Variants in SHISA9 observed in about 807,000 individuals in gnomAD.
The protein encoded by SHISA9 is shisa family member 9.
A neutral mutation model predicts 38.0 loss-of-function variants in SHISA9; 13 were observed. The ratio of observed to expected loss-of-function variants is 0.34; its 90% confidence interval spans 0.22 to 0.54. SHISA9 has a LOEUF of 0.54. SHISA9 is among the 20% of genes least tolerant of loss of function. The probability of loss-of-function intolerance (pLI) is 0.91; values close to 1 mark genes in which losing one functional copy is unlikely to be tolerated. For missense variants in SHISA9, 538 were observed against 575.8 expected, an observed-to-expected ratio of 0.93 and a Z score of 0.67; for synonymous variants, 275 against 242.0, an observed-to-expected ratio of 1.14 and a Z score of -1.27.
chr16:12,908,080 G>C (rs1241082902), intron 1 of SHISA9, among the ~76,000 whole-genome samples: 1 of 152,100 alleles, frequency 6.6e-6, no homozygotes, highest in South Asian at 2.1e-4. Flanking sequence ...TCTGCAGGTG[G>C]AGGATTCACT....
At chr16:13,502,802 A>G in the SHISA9 span, among the ~76,000 whole-genome samples, 1 of 152,164 alleles carries the variant, frequency 6.6e-6, no homozygotes, top group Non-Finnish European at 1.5e-5. Flanking sequence ...GCTTGAACCC[A>G]GAAGGCAGAG....
At chr16:13,337,624 A>G in the SHISA9 span, among the ~76,000 whole-genome samples, 1 of 152,118 alleles carries the variant, frequency 6.6e-6, no homozygotes, top group Non-Finnish European at 1.5e-5. Context: ...ATTTTTCTTG[A>G]TGCAAATTTT....
chr16:13,525,287 G>A, the SHISA9 span, among the ~76,000 whole-genome samples: 3 of 152,174 alleles, frequency 2.0e-5, no homozygotes, highest in Non-Finnish European at 4.4e-5. Context: ...AGTAGAGATA[G>A]TGTGAATGAA....
intron 2 of SHISA9, among the ~76,000 whole-genome samples, chr16:13,153,894 A>T (rs1321259167): frequency 6.7e-6 from 1 of 149,608 alleles, no homozygotes; most frequent in Non-Finnish European, 1.5e-5. Context: ...CAGATGGTTC[A>T]CCAACAAGCA....
At chr16:13,507,035 C>G in the SHISA9 span, among the ~76,000 whole-genome samples, 2 of 151,674 alleles carry the variant, frequency 1.3e-5, no homozygotes, top group African/African-American at 4.8e-5. Flanking sequence ...AGAACAAGAT[C>G]CTGTCTCAAA....
At chr16:13,210,939 C>G (rs956617392) in intron 3 of SHISA9, among the ~76,000 whole-genome samples, 1 of 152,180 alleles carries the variant, frequency 6.6e-6, no homozygotes, top group Non-Finnish European at 1.5e-5. Flanking sequence ...CTGGGGAAGC[C>G]TATCCCCTGC....
intron 2 of SHISA9, among the ~76,000 whole-genome samples, chr16:13,175,803 GC>G (rs1264994911): frequency 6.6e-6 from 1 of 152,098 alleles, no homozygotes; most frequent in Non-Finnish European, 1.5e-5. Context: ...AATAAAATAT[GC>G]CCCCCCACAC....
At chr16:13,175,874 C>T (rs756737206) in intron 2 of SHISA9, among the ~76,000 whole-genome samples, 2 of 152,050 alleles carry the variant, frequency 1.3e-5, no homozygotes, top group Admixed American at 1.3e-4. Context: ...GTGAGGAGAC[C>T]AAGCAAGAGA....
chr16:13,355,743 G>A, the SHISA9 span, among the ~76,000 whole-genome samples: 4 of 152,062 alleles, frequency 2.6e-5, no homozygotes, highest in Admixed American at 2.6e-4. Flanking sequence ...AGAAAGGGAC[G>A]GGCTTACCTT....
At chr16:13,555,402 A>T in the SHISA9 span, among the ~76,000 whole-genome samples, 338 of 152,338 alleles carry the variant, frequency 2.2e-3, 1 homozygote, top group African/African-American at 7.5e-3. Context: ...AAAATAAAAG[A>T]GGAAAGACAG....
At chr16:13,038,209 C>T (rs1371310005) in intron 2 of SHISA9, among the ~76,000 whole-genome samples, 3 of 152,206 alleles carry the variant, frequency 2.0e-5, no homozygotes, top group African/African-American at 4.8e-5. Flanking sequence ...AGGCTGGTCT[C>T]GAACTCCTGG....
chr16:13,047,105 C>T (rs2073196686), intron 2 of SHISA9, among the ~76,000 whole-genome samples: 2 of 152,130 alleles, frequency 1.3e-5, no homozygotes, highest in Non-Finnish European at 2.9e-5. Flanking sequence ...CCGAAAAAGG[C>T]TAGAAGTTTA....
chr16:13,138,135 G>T (rs2050366452), intron 2 of SHISA9, among the ~76,000 whole-genome samples: 1 of 152,148 alleles, frequency 6.6e-6, no homozygotes, highest in Non-Finnish European at 1.5e-5. Context: ...TATTTTGAGT[G>T]GCTGTGCTCT....
At chr16:13,129,436 G>A (rs556392350) in intron 2 of SHISA9, among the ~76,000 whole-genome samples, 1 of 152,252 alleles carries the variant, frequency 6.6e-6, no homozygotes, top group East Asian at 1.9e-4. Flanking sequence ...GTGAAAGACT[G>A]GGGACTAGAT....
At chr16:13,321,432 T>A in the SHISA9 span, among the ~76,000 whole-genome samples, 1 of 152,222 alleles carries the variant, frequency 6.6e-6, no homozygotes, top group Admixed American at 6.5e-5. Flanking sequence ...GAGCAAATAA[T>A]TCTGGCAGCT....
chr16:13,420,245 C>CAAAAAAA, the SHISA9 span, among the ~76,000 whole-genome samples: 2,228 of 50,352 alleles, frequency 0.044, 379 homozygotes, highest in Admixed American at 0.074. Context: ...GAATCTGTTT[C>CAAAAAAA]AAAAAAAAAA....
intron 2 of SHISA9, among the ~76,000 whole-genome samples, chr16:13,099,024 T>G (rs1457772465): frequency 1.3e-5 from 2 of 152,282 alleles, no homozygotes; most frequent in African/African-American, 4.8e-5. Context: ...TATTGAATAC[T>G]AAATGCCTGT....
intron 2 of SHISA9, among the ~76,000 whole-genome samples, chr16:13,129,494 T>C (rs2050289438): frequency 1.3e-5 from 2 of 152,174 alleles, no homozygotes; most frequent in African/African-American, 4.8e-5. Flanking sequence ...ATAACTTCTA[T>C]CTACATTCCA....
intron 2 of SHISA9, among the ~76,000 whole-genome samples, chr16:12,967,637 T>G (rs150493084): frequency 5.3e-5 from 8 of 151,874 alleles, no homozygotes; most frequent in African/African-American, 1.9e-4. Context: ...CCAAGGACAA[T>G]GTTGATTTTG....
Sources: gnomAD v4.1 joint callset for allele counts (sites outside exome capture counted in the v4.1 genomes callset) on GRCh38, gnomAD v4.1.1 for gene constraint, MANE v1.5 for transcripts, NCBI Gene and HGNC (gene_info 2026-07-23, HGNC 2026-07-21) for gene names.